ARMC9: variants seen among roughly 807,000 people sequenced by gnomAD.
ARMC9 encodes lisH domain-containing protein ARMC9.
A neutral mutation model predicts 107.0 loss-of-function variants in ARMC9; 94 were observed. The ratio of observed to expected loss-of-function variants is 0.88; its 90% CI spans 0.74 to 1.04. The LOEUF (loss-of-function observed/expected upper bound fraction) is 1.04. Ranked by LOEUF, ARMC9 falls within the 50% of genes least tolerant of loss-of-function variation. ARMC9 has a pLI of 0.00. For missense variants in ARMC9, 942 were observed against 1,030.1 expected, an observed-to-expected ratio of 0.91 and a Z score of 1.17; for synonymous variants, 380 against 396.9, an observed-to-expected ratio of 0.96 and a Z score of 0.51.
chr2:231,280,790 A>G (rs898100354), intron 16 of ARMC9, among the ~76,000 whole-genome samples: 4 of 152,352 alleles, frequency 2.6e-5, no homozygotes, highest in Middle Eastern at 3.4e-3. Flanking sequence ...GTAAAAGTCA[A>G]GCAATCCAAT....
chr2:231,351,248 C>T (rs959599690), intron 21 of ARMC9, among the ~76,000 whole-genome samples: 4 of 150,962 alleles, frequency 2.6e-5, no homozygotes, highest in East Asian at 3.9e-4. Context: ...CCACTGCACC[C>T]GGCCACAAAG....
In ARMC9 at chr2:231,291,351, A is replaced by G; in HGVS notation, c.1627-2A>G. The G allele has an allele frequency of 1.2e-6, 2 of 1,612,486 alleles. No homozygotes were observed. The highest frequency in any genetic ancestry group is 2.2e-5 in the South Asian group (2 of 91,020). On this transcript the variant is annotated splice_acceptor_variant, in intron 17 of 24. Transcript: ENST00000611582. LOFTEE classifies it high-confidence loss of function. ...AACTATTACTTTCGCCAATACTTCT[A>G]GGGAATGGAAGACATCCTACGCTGC...
chr2:231,298,642 T>C (rs1465700941), intron 19 of ARMC9, among the ~76,000 whole-genome samples: 2 of 152,184 alleles, frequency 1.3e-5, no homozygotes, highest in African/African-American at 2.4e-5. Flanking sequence ...TTAGCAACTC[T>C]AAAGATAAAA....
At chr2:231,311,680 G>T (rs2042357381) in intron 19 of ARMC9, among the ~76,000 whole-genome samples, 1 of 147,562 alleles carries the variant, frequency 6.8e-6, no homozygotes, top group South Asian at 2.2e-4. Flanking sequence ...TGAGGAGTGA[G>T]AATCGCTTGA....
intron 19 of ARMC9, among the ~76,000 whole-genome samples, chr2:231,312,614 T>G (rs887664699): frequency 6.6e-6 from 1 of 151,964 alleles, no homozygotes; most frequent in African/African-American, 2.4e-5. Context: ...TTTTTTTTTT[T>G]TGCAAAATCT....
At chr2:231,278,530 G>A in intron 16 of ARMC9, 72 bp downstream of exon 16, 3 of 1,373,616 alleles carry the variant, frequency 2.2e-6, no homozygotes, top group Non-Finnish European at 2.1e-6. Flanking sequence ...TGACCCCACA[G>A]GCACACAGCT....
At chr2:231,222,638 C>A in intron 5 of ARMC9, 90 bp from the exon 6 acceptor site, 1 of 692,070 alleles carries the variant, frequency 1.4e-6, no homozygotes, top group Non-Finnish European at 2.4e-6. Flanking sequence ...AATCACTGTG[C>A]AGGGTTTTTT....
intron 9 of ARMC9, chr2:231,256,209 C>T (rs1462529638): frequency 6.6e-7 from 1 of 1,526,494 alleles, no homozygotes; most frequent in Non-Finnish European, 8.9e-7. Flanking sequence ...ATGGACGACA[C>T]GAGCCGATCC....
At chr2:231,289,252 A>T (rs1356262370) in intron 17 of ARMC9, among the ~76,000 whole-genome samples, 1 of 152,194 alleles carries the variant, frequency 6.6e-6, no homozygotes, top group Non-Finnish European at 1.5e-5. Context: ...AGACTACTTG[A>T]GCCCAGGAGT....
At position 231,214,764 on chromosome 2, in the gene ARMC9, G is replaced by A. The variant is rs1234742200; in HGVS notation, c.178-67G>A. On this transcript the variant is annotated intron_variant, in intron 3 of 24. Transcript: ENST00000611582. ...GTATATGGGAGATCTGTGGTGTTGA[G>A]TGGGTTGTGAGAATTTTGGGTGTTG... 2.7e-6 allele frequency: 4 copies of A among 1,509,392 alleles called. No individual in the cohort carries two copies. The East Asian group carries it at 9.1e-5, about 34-fold the overall frequency. 93.5% of individuals were successfully genotyped at this position (1,509,392 alleles called of 1,614,324 possible).
intron 20 of ARMC9, among the ~76,000 whole-genome samples, chr2:231,343,784 C>T (rs539660756): frequency 6.6e-6 from 1 of 152,124 alleles, no homozygotes; most frequent in East Asian, 1.9e-4. Context: ...CAATTGAAAG[C>T]ATTGTTTAGC....
chr2:231,365,800 T>C (rs2045793211), intron 23 of ARMC9, among the ~76,000 whole-genome samples: 1 of 151,882 alleles, frequency 6.6e-6, no homozygotes, highest in Non-Finnish European at 1.5e-5. Context: ...ATGTGTCGTT[T>C]CTTTTTCTTT....
At chr2:231,323,780 A>G (rs1308537787) in intron 19 of ARMC9, among the ~76,000 whole-genome samples, 1 of 152,244 alleles carries the variant, frequency 6.6e-6, no homozygotes, top group Non-Finnish European at 1.5e-5. Context: ...TTTCTGAATT[A>G]GAACCTTGGT....
intron 1 of ARMC9, among the ~76,000 whole-genome samples, chr2:231,203,631 C>G (rs1170678071): frequency 2.0e-5 from 3 of 151,998 alleles, no homozygotes; most frequent in African/African-American, 7.3e-5. Flanking sequence ...CCCAGGAGTT[C>G]AAGACCAGCC....
At chr2:231,242,908 C>T (rs1394529142) in intron 9 of ARMC9, among the ~76,000 whole-genome samples, 7 of 151,592 alleles carry the variant, frequency 4.6e-5, no homozygotes, top group African/African-American at 9.7e-5. Flanking sequence ...CCCAGGAGTT[C>T]GAGGCCAGTC....
At chr2:231,279,463 C>T (rs1313796192) in intron 16 of ARMC9, among the ~76,000 whole-genome samples, 2 of 151,938 alleles carry the variant, frequency 1.3e-5, no homozygotes, top group African/African-American at 4.8e-5. Flanking sequence ...ACTTGGTTTC[C>T]ACACATCTGT....
At chr2:231,327,700 A>G (rs192060101) in intron 19 of ARMC9, among the ~76,000 whole-genome samples, 24 of 152,352 alleles carry the variant, frequency 1.6e-4, no homozygotes, top group Admixed American at 1.4e-3. Flanking sequence ...GCCCAGGAGT[A>G]TAATTGCTGG....
chr2:231,326,314 A>G (rs2043313254), intron 19 of ARMC9, among the ~76,000 whole-genome samples: 2 of 152,332 alleles, frequency 1.3e-5, no homozygotes, highest in South Asian at 4.1e-4. Flanking sequence ...GAAAGTTAAG[A>G]TGTAAAGTGC....
chr2:231,353,679 G>C (rs1352354015), intron 21 of ARMC9, among the ~76,000 whole-genome samples: 2 of 151,784 alleles, frequency 1.3e-5, no homozygotes, highest in South Asian at 2.1e-4. Context: ...TCACGGCTCA[G>C]GGAGTTCCTC....
Sources: gnomAD v4.1 joint callset for allele counts (sites outside exome capture counted in the v4.1 genomes callset) on GRCh38, gnomAD v4.1.1 for gene constraint, MANE v1.5 for transcripts, NCBI Gene and HGNC (gene_info 2026-07-23, HGNC 2026-07-21) for gene names.